Variants in FGD5 observed in about 807,000 individuals in gnomAD.
The protein encoded by FGD5 is FYVE, RhoGEF and PH domain-containing protein 5.
FGD5 carries 28 observed loss-of-function variants against 133.4 expected under a neutral mutation model. The observed-to-expected ratio is 0.21, with a 90% CI of 0.16 to 0.29. The LOEUF is 0.29. Ranked by LOEUF, FGD5 falls within the 10% of genes least tolerant of loss-of-function variation. FGD5 has a pLI of 1.00. For synonymous variants in FGD5, 810 were observed against 776.5 expected (o/e 1.04, Z -0.72); for missense variants, 1,858 against 1,895.2 (o/e 0.98, Z 0.36).
At chr3:14,871,861 G>A (rs950105917) in intron 2 of FGD5, among the ~76,000 whole-genome samples, 2 of 152,240 alleles carry the variant, frequency 1.3e-5, no homozygotes, top group African/African-American at 4.8e-5. Flanking sequence ...ACTCAGTCTT[G>A]CTTTCTCCTT....
intron 1 of FGD5, among the ~76,000 whole-genome samples, chr3:14,823,662 T>C (rs2036547393): frequency 6.6e-6 from 1 of 152,212 alleles, no homozygotes; most frequent in Non-Finnish European, 1.5e-5. Context: ...CCAGACTTCT[T>C]GACTTCTGGA....
chr3:14,810,828 G>A, upstream of FGD5: 1 of 984,850 alleles, frequency 1.0e-6, no homozygotes, highest in Non-Finnish European at 1.2e-6. Context: ...AACGCCGACG[G>A]CGGCCCGGGC....
chr3:14,898,677 T>A, intron 6 of FGD5, 62 bp from the exon 7 acceptor site: 1 of 1,380,592 alleles, frequency 7.2e-7, no homozygotes, highest in Non-Finnish European at 1.0e-6. Context: ...TGGGCTGCTG[T>A]GAGCATGGTG....
chr3:14,908,770 C>T (rs1363420166), intron 10 of FGD5, among the ~76,000 whole-genome samples: 2 of 151,066 alleles, frequency 1.3e-5, no homozygotes, highest in East Asian at 3.9e-4. Context: ...GTCCCAGCTA[C>T]TCGGGAGGCT....
intron 2 of FGD5, among the ~76,000 whole-genome samples, chr3:14,865,227 C>T (rs2131570): frequency 0.51 from 77,038 of 151,428 alleles, 19,869 homozygotes; most frequent in African/African-American, 0.54. Flanking sequence ...CCTTTTTCGG[C>T]ACCTGCCTCC....
At chr3:14,881,296 C>T (rs920006149) in intron 4 of FGD5, among the ~76,000 whole-genome samples, 1 of 5,108 alleles carries the variant, frequency 2.0e-4, no homozygotes, top group African/African-American at 2.6e-3. Context: ...GACTTGGGGA[C>T]AGGCACTGCT....
chr3:14,917,755 A>C lies in FGD5; in HGVS notation c.3489+423A>C, dbSNP rs2038587572. 6.6e-6 allele frequency among the ~76,000 whole-genome samples: 1 copy of C among 152,196 alleles called. No homozygotes were observed. The highest frequency in any genetic ancestry group is 2.1e-4 in the South Asian group (1 of 4,832). ...AGCACATTTACATTGCTGTGTATCC[A>C]GCACCACCATCCATCTCAGAACTCT... On this transcript the variant is annotated intron_variant, in intron 12 of 19. Transcript: ENST00000285046. The surrounding 1 kb of genome is among the most constrained non-coding windows in gnomAD (Gnocchi z 4.1).
chr3:14,823,183 C>T (rs574281369), intron 1 of FGD5, among the ~76,000 whole-genome samples: 1 of 152,292 alleles, frequency 6.6e-6, no homozygotes, highest in South Asian at 2.1e-4. Flanking sequence ...GGACAAGACC[C>T]ATCCCCCAGC....
chr3:14,844,266 A>T (rs1365233537), intron 1 of FGD5, among the ~76,000 whole-genome samples: 1 of 87,340 alleles, frequency 1.1e-5, no homozygotes, highest in Non-Finnish European at 2.2e-5. Context: ...ATATATATAT[A>T]TATATAATGC....
upstream of FGD5, among the ~76,000 whole-genome samples, chr3:14,813,987 C>T (rs972890495): frequency 1.3e-5 from 2 of 152,124 alleles, no homozygotes; most frequent in Non-Finnish European, 1.5e-5. Flanking sequence ...CCTGTCAGTG[C>T]GATTCCCCCA....
intron 1 of FGD5, among the ~76,000 whole-genome samples, chr3:14,847,802 G>A (rs1171183691): frequency 1.3e-5 from 2 of 152,166 alleles, no homozygotes; most frequent in South Asian, 2.1e-4. Context: ...CAGATGAGGC[G>A]CTGAGGTGTA....
chr3:14,864,895 A>G (rs1240655296), intron 2 of FGD5, among the ~76,000 whole-genome samples: 1 of 152,150 alleles, frequency 6.6e-6, no homozygotes, highest in Non-Finnish European at 1.5e-5. Flanking sequence ...CTACTCACTG[A>G]CAAAGTCCCA....
intron 11 of FGD5, among the ~76,000 whole-genome samples, chr3:14,914,559 C>T (rs887867664): frequency 6.6e-6 from 1 of 152,220 alleles, no homozygotes; most frequent in Non-Finnish European, 1.5e-5. Flanking sequence ...GGGGCCATCA[C>T]AGAGAGGCTG....
At chr3:14,821,675 A>C in intron 1 of FGD5, 79 bp downstream of exon 1, 2 of 1,440,784 alleles carry the variant, frequency 1.4e-6, no homozygotes, top group Non-Finnish European at 1.8e-6. Context: ...GGACAGATGG[A>C]CTTGCTTTCC....
intron 4 of FGD5, among the ~76,000 whole-genome samples, chr3:14,889,836 C>T (rs530049028): frequency 1.1e-4 from 16 of 152,166 alleles, no homozygotes; most frequent in African/African-American, 2.7e-4. Context: ...CATTTGGGAA[C>T]GCTTTTGAAT....
intron 1 of FGD5, among the ~76,000 whole-genome samples, chr3:14,852,399 C>A (rs1473850913): frequency 1.3e-5 from 2 of 152,152 alleles, no homozygotes; most frequent in African/African-American, 4.8e-5. Flanking sequence ...TCCGTAGAGA[C>A]GGGAAGTAGA....
chr3:14,871,658 C>T (rs924681624), intron 2 of FGD5, among the ~76,000 whole-genome samples: 3 of 152,136 alleles, frequency 2.0e-5, no homozygotes, highest in African/African-American at 7.2e-5. Flanking sequence ...GGAGGGCGTC[C>T]TGGGTACGTG....
chr3:14,924,135 A>G lies in FGD5; in HGVS notation c.4065A>G (p.Thr1355=). The stretch of plus-strand genomic sequence containing the variant: ...AGAAGAAAGTCCCTTCAGCCCTGAC[A>G]GAGGTAAAGCAGGCAGGGCTACCCA... ...KKQKKVPSAL[T]EVAASGEGSA... is the part of the protein sequence containing the mutation. The change falls in exon 17 of 20, where the codon ACA becomes ACG. Residue 1355 remains threonine, a synonymous_variant. Coordinates refer to ENST00000285046, the MANE Select transcript of FGD5 (RefSeq NM_152536.4). The G allele has an allele frequency of 6.2e-7, 1 of 1,613,942 alleles. No homozygotes were observed. Among genetic ancestry groups the G allele is most frequent in the Non-Finnish European group, 8.5e-7 (1 of 1,179,866 alleles).
At chr3:14,869,620 C>T (rs940126647) in intron 2 of FGD5, among the ~76,000 whole-genome samples, 2 of 152,218 alleles carry the variant, frequency 1.3e-5, no homozygotes, top group Admixed American at 1.3e-4. Context: ...TATCCCCTGG[C>T]AGCCACCGTT....
Sources: allele counts gnomAD v4.1 joint callset (sites outside exome capture counted in the v4.1 genomes callset), GRCh38; gene constraint gnomAD v4.1.1; non-coding constraint Gnocchi (gnomAD v3.1); transcripts MANE v1.5; gene names NCBI Gene and HGNC (gene_info 2026-07-23, HGNC 2026-07-21).